Variants in KCNMA1 observed in about 807,000 individuals in gnomAD.
KCNMA1 encodes potassium calcium-activated channel subfamily M alpha 1.
A neutral mutation model predicts 140.0 loss-of-function variants in KCNMA1; 29 were observed. The observed-to-expected ratio is 0.21, with a 90% CI of 0.15 to 0.28. The LOEUF (loss-of-function observed/expected upper bound fraction) is 0.28. KCNMA1 is among the 10% of genes least tolerant of loss of function. KCNMA1 has a pLI of 1.00. For synonymous variants in KCNMA1, 612 were observed against 611.9 expected, an observed-to-expected ratio of 1.00 and a Z score of 0.00; for missense variants, 880 against 1,602.2, an observed-to-expected ratio of 0.55 and a Z score of 7.70.
In KCNMA1 at chr10:76,885,239, TTA is replaced by T. The variant is rs562756117; in HGVS notation, c.*2025_*2026del. On this transcript the variant is annotated 3_prime_UTR_variant, in exon 28 of 28. Transcript: ENST00000286628. Reference sequence around the variant, plus strand: ...TAGTTATATATATATAATTATATAGTTATATATATATAATTATATATAGTTTA... The same window carrying T: ...TAGTTATATATATATAATTATATAGTTATATATATAATTATATATAGTTTA... 2.4e-4 allele frequency: 114 copies of T among 480,594 alleles called. No homozygotes were observed. Among genetic ancestry groups the T allele is most frequent in the African/African-American group, 1.4e-3 (66 of 46,720 alleles). 29.8% of individuals were successfully genotyped at this position (480,594 alleles called of 1,614,324 possible).
intron 3 of KCNMA1, among the ~76,000 whole-genome samples, chr10:77,241,939 G>A (rs2057370859): frequency 6.6e-6 from 1 of 152,066 alleles, no homozygotes; most frequent in Non-Finnish European, 1.5e-5. Flanking sequence ...CAAAGCCAAC[G>A]TACCTAGAGT....
At chr10:77,395,432 G>C (rs1030988000) in intron 2 of KCNMA1, among the ~76,000 whole-genome samples, 8 of 152,172 alleles carry the variant, frequency 5.3e-5, no homozygotes, top group Admixed American at 1.3e-4. Flanking sequence ...TGTCCCACAG[G>C]CTATAACTAA....
rs564860273 is a variant in KCNMA1 at position 77,604,515 on chromosome 10, G to A, written c.378+32750C>T. 2.6e-5 allele frequency among the ~76,000 whole-genome samples: 4 copies of A among 151,484 alleles called. No homozygotes were observed. The East Asian group carries it at 5.8e-4, about 22-fold the overall frequency. On this transcript the variant is annotated intron_variant, in intron 1 of 27. Coordinates refer to ENST00000286628, the MANE Select transcript of KCNMA1 (RefSeq NM_001161352.2). ...AGGCCAGCAGTTCAAGACCAGCCTGGGCAACAGAATGAGACCTCATTTCTA... is the reference window on the plus strand; with the variant it reads ...AGGCCAGCAGTTCAAGACCAGCCTGAGCAACAGAATGAGACCTCATTTCTA...
At position 77,570,131 on chromosome 10, in the gene KCNMA1, T is replaced by A. The variant is rs555617846; in HGVS notation, c.378+67134A>T. ...TGGAGAAATAGGAACACTTTTACAC[T>A]GTTGGTGGGACTGTAAACTAGTTCA... On this transcript the variant is annotated intron_variant, in intron 1 of 27. Coordinates refer to ENST00000286628, the MANE Select transcript of KCNMA1 (RefSeq NM_001161352.2). Among the ~76,000 whole-genome samples, 10 of 151,828 alleles carry A rather than the reference T, an allele frequency of 6.6e-5. No individual in the cohort carries two copies. The South Asian group carries it at 2.1e-3, about 32-fold the overall frequency.
intron 1 of KCNMA1, among the ~76,000 whole-genome samples, chr10:77,633,325 A>C (rs1284407798): frequency 1.3e-5 from 2 of 151,962 alleles, no homozygotes; most frequent in Non-Finnish European, 1.5e-5. Context: ...AAAAAAAAAA[A>C]TTAATAAAAG....
intron 2 of KCNMA1, among the ~76,000 whole-genome samples, chr10:77,349,558 CTG>C (rs1418464645): frequency 6.6e-6 from 1 of 152,180 alleles, no homozygotes; most frequent in Non-Finnish European, 1.5e-5. Context: ...AGCAGGGAAA[CTG>C]AGGTTAGGAA....
At chr10:77,171,384 T>TAC (rs2098704507) in intron 5 of KCNMA1, among the ~76,000 whole-genome samples, 1 of 129,648 alleles carries the variant, frequency 7.7e-6, no homozygotes, top group African/African-American at 3.3e-5. Context: ...AAAGTACGTG[T>TAC]GCGTGTGTGT....
chr10:76,974,291 T>G, intron 19 of KCNMA1: 1 of 505,556 alleles, frequency 2.0e-6, no homozygotes. Flanking sequence ...AGTTTGGGGG[T>G]GAGGTCGTTT....
intron 14 of KCNMA1, among the ~76,000 whole-genome samples, chr10:77,049,647 T>A (rs952714926): frequency 5.9e-5 from 9 of 152,166 alleles, no homozygotes; most frequent in Non-Finnish European, 1.0e-4. Flanking sequence ...AAGATAAAAC[T>A]GGAGAGAGAG....
At chr10:76,880,341 A>G (rs2034119694), downstream of KCNMA1, among the ~76,000 whole-genome samples, 1 of 151,956 alleles carries the variant, frequency 6.6e-6, no homozygotes, top group Non-Finnish European at 1.5e-5. Context: ...AGAGTAGCCC[A>G]TGTTTTGGCC....
intron 5 of KCNMA1, among the ~76,000 whole-genome samples, chr10:77,163,823 G>T (rs4622198): frequency 0.3 from 45,354 of 152,022 alleles, 7,632 homozygotes; most frequent in African/African-American, 0.43. Context: ...TTCATTCTCA[G>T]TTGGGTTTCC....
intron 1 of KCNMA1, among the ~76,000 whole-genome samples, chr10:77,414,099 C>A (rs2096680700): frequency 1.3e-5 from 2 of 152,172 alleles, no homozygotes; most frequent in South Asian, 4.1e-4. Context: ...TTTAACAAGT[C>A]CTTACCATCT....
Position 77,171,406 on chromosome 10 carries a change from T to C in KCNMA1, c.808+12015A>G, listed in dbSNP as rs1056050134. Reference sequence around the variant, plus strand: ...GTGTGCGTGTGTGTGTGTGCGTGTGTGTGTGTGTGTGTGTGTGTGTGTGTG... The same window carrying C: ...GTGTGCGTGTGTGTGTGTGCGTGTGCGTGTGTGTGTGTGTGTGTGTGTGTG... On this transcript the variant is annotated intron_variant, in intron 5 of 27. Coordinates refer to ENST00000286628, the MANE Select transcript of KCNMA1 (RefSeq NM_001161352.2). Among the ~76,000 whole-genome samples, 193 of 42,542 alleles carry C rather than the reference T, an allele frequency of 4.5e-3. 1 individual carries two copies. Among genetic ancestry groups the C allele is most frequent in the African/African-American group, 0.025 (169 of 6,740 alleles). 27.9% of individuals were successfully genotyped at this position (42,542 alleles called of 152,430 possible). A position where few individuals can be genotyped will look rare whatever the true frequency, so the allele number is the denominator to read the frequency against.
At chr10:76,974,527 G>T (rs1015506143) in intron 19 of KCNMA1, 1 of 1,550,038 alleles carries the variant, frequency 6.5e-7, no homozygotes, top group Non-Finnish European at 8.7e-7. Flanking sequence ...TCTCCTTCTT[G>T]AACTCAAATG....
At chr10:77,151,391 C>T (rs2098416333) in intron 5 of KCNMA1, among the ~76,000 whole-genome samples, 1 of 151,994 alleles carries the variant, frequency 6.6e-6, no homozygotes, top group Admixed American at 6.6e-5. Flanking sequence ...CCAGGCCCAG[C>T]TAATTTTTGT....
intron 3 of KCNMA1, among the ~76,000 whole-genome samples, chr10:77,224,528 C>T (rs2050695610): frequency 6.6e-6 from 1 of 152,158 alleles, no homozygotes; most frequent in South Asian, 2.1e-4. Context: ...TCAGGAAAGC[C>T]AGGCTGCTTC....
intron 26 of KCNMA1, among the ~76,000 whole-genome samples, chr10:76,890,681 A>G (rs948888322): frequency 6.6e-6 from 1 of 152,164 alleles, no homozygotes; most frequent in African/African-American, 2.4e-5. Flanking sequence ...TAACAGGTTT[A>G]TCAGTTTCTG....
At chr10:77,532,200 C>T (rs894561479) in intron 1 of KCNMA1, among the ~76,000 whole-genome samples, 1 of 152,218 alleles carries the variant, frequency 6.6e-6, no homozygotes, top group African/African-American at 2.4e-5. Flanking sequence ...GCCATGCATT[C>T]CAGCACGATG....
At chr10:77,519,876 A>G (rs2052214830) in intron 1 of KCNMA1, among the ~76,000 whole-genome samples, 1 of 150,252 alleles carries the variant, frequency 6.7e-6, no homozygotes, top group Non-Finnish European at 1.5e-5. Flanking sequence ...GAGGGTATAC[A>G]TGAGGTCTGC....
Sources: gnomAD v4.1 joint callset for allele counts (sites outside exome capture counted in the v4.1 genomes callset) on GRCh38, gnomAD v4.1.1 for gene constraint, MANE v1.5 for transcripts, NCBI Gene and HGNC (gene_info 2026-07-23, HGNC 2026-07-21) for gene names.